Variants in ENTPD3 observed in about 807,000 individuals in gnomAD.
ENTPD3 encodes the protein CD39 antigen-like 3.
A neutral mutation model predicts 51.2 loss-of-function variants in ENTPD3; 60 were observed. That is an observed-to-expected ratio of 1.17 (90% confidence interval 0.95 to 1.45). The LOEUF (loss-of-function observed/expected upper bound fraction) is 1.45, where lower values mean the gene tolerates loss of function less well. ENTPD3 is among the 40% of genes most tolerant of loss of function. The pLI, the probability that ENTPD3 is intolerant of heterozygous loss-of-function variation, is 0.00. For missense variants in ENTPD3, 593 were observed against 641.1 expected (o/e 0.93, Z 0.81); for synonymous variants, 221 against 238.4 (o/e 0.93, Z 0.67).
intron 2 of ENTPD3, among the ~76,000 whole-genome samples, chr3:40,390,363 A>AT (rs886210074): frequency 3.3e-5 from 5 of 151,884 alleles, no homozygotes; most frequent in African/African-American, 9.7e-5. Flanking sequence ...TGTACAGTTG[A>AT]TTTTTTTCAT....
In ENTPD3 at chr3:40,414,550, C is replaced by T. The variant is rs1955701289; in HGVS notation, c.438-131C>T. 15 of 995,854 alleles carry T rather than the reference C, an allele frequency of 1.5e-5. No individual in the cohort carries two copies. In the Admixed American group the frequency reaches 1.9e-4, roughly 13 times the overall value. 61.7% of individuals were successfully genotyped at this position (995,854 alleles called of 1,614,324 possible). On this transcript the variant is annotated intron_variant, in intron 5 of 10. Transcript: ENST00000301825. ...GCAAAAGGGATTGTGGTGTACAGCA[C>T]ACATCTGGAAAATCATTCATCCCCA...
chr3:40,396,222 T>C (rs1175169029), intron 3 of ENTPD3, among the ~76,000 whole-genome samples: 1 of 152,194 alleles, frequency 6.6e-6, no homozygotes, highest in East Asian at 1.9e-4. Flanking sequence ...TCTGGGCCAG[T>C]TGAACCAGAA....
At chr3:40,415,708 G>A (rs1022733354) in intron 6 of ENTPD3, 132 bp from the exon 7 acceptor site, 2 of 656,600 alleles carry the variant, frequency 3.0e-6, no homozygotes, top group East Asian at 5.5e-5. Context: ...AAAAGAAAAG[G>A]AAAGAATTGG....
intron 4 of ENTPD3, among the ~76,000 whole-genome samples, chr3:40,411,169 T>C (rs1293015899): frequency 2.0e-5 from 3 of 151,402 alleles, no homozygotes; most frequent in Admixed American, 1.3e-4. Context: ...TGCACGCCTG[T>C]AATTCCAGCT....
intron 6 of ENTPD3, among the ~76,000 whole-genome samples, chr3:40,415,475 A>T (rs535694165): frequency 1.3e-5 from 2 of 152,134 alleles, no homozygotes; most frequent in Non-Finnish European, 2.9e-5. Context: ...AAAAATCCAT[A>T]CTTCTAGCTT....
At chr3:40,398,122 G>A (rs370682371) in intron 3 of ENTPD3, among the ~76,000 whole-genome samples, 3 of 152,132 alleles carry the variant, frequency 2.0e-5, no homozygotes, top group Admixed American at 6.5e-5. Context: ...AGCAGGTGCC[G>A]GAGGGACAGC....
At chr3:40,399,047 C>T (rs1446517045) in intron 3 of ENTPD3, among the ~76,000 whole-genome samples, 1 of 152,040 alleles carries the variant, frequency 6.6e-6, no homozygotes, top group Non-Finnish European at 1.5e-5. Context: ...CATGGCGAAA[C>T]CCTGTCTTTA....
In ENTPD3 at chr3:40,395,310, G is replaced by T. The variant is rs149439456; in HGVS notation, c.168+3160G>T. On this transcript the variant is annotated intron_variant, in intron 3 of 10. Coordinates refer to ENST00000301825, the MANE Select transcript of ENTPD3 (RefSeq NM_001248.4). The stretch of plus-strand genomic sequence containing the variant: ...AAAATGGAGAGACATGGAGGAATCA[G>T]ATGGAAGACTAGTAAAATGAGTAGA... Among the ~76,000 whole-genome samples the T allele has an allele frequency of 3.0e-3, 464 of 152,344 alleles. 1 individual carries two copies. The highest frequency in any genetic ancestry group is 0.01 in the Middle Eastern group (3 of 294).
chr3:40,426,808 T>A (rs1559520698), intron 10 of ENTPD3, among the ~76,000 whole-genome samples: 1 of 152,122 alleles, frequency 6.6e-6, no homozygotes. Flanking sequence ...GGTGAAACAT[T>A]TATACACCTA....
rs528165365 is a variant in ENTPD3, at chr3:40,425,416, CA to C, written c.1353+1459del. Among the ~76,000 whole-genome samples, 578 of 151,054 alleles carry C rather than the reference CA, an allele frequency of 3.8e-3. 2 individuals are homozygous for C. The highest frequency in any genetic ancestry group is 0.013 in the African/African-American group (536 of 41,118). The stretch of plus-strand genomic sequence containing the variant: ...GGGCAACAACAGCAAAACTCCATCT[CA>C]AAAAATAAAAATAAAAATAAATAAA... On this transcript the variant is annotated intron_variant, in intron 10 of 10. Coordinates refer to ENST00000301825, the MANE Select transcript of ENTPD3 (RefSeq NM_001248.4).
chr3:40,392,126 A>G lies in ENTPD3; in HGVS notation c.144A>G (p.Gln48=). The change falls in exon 3 of 11, where the codon CAA becomes CAG. Residue 48 remains glutamine (Q), a synonymous_variant. Coordinates refer to ENST00000301825, the MANE Select transcript of ENTPD3 (RefSeq NM_001248.4). Reference sequence around the variant, plus strand: ...TCACTGTCATCCAGATCCACAAGCAAGAGGTCCTCCCTCCAGGACTGAAGG... The same window carrying G: ...TCACTGTCATCCAGATCCACAAGCAGGAGGTCCTCCCTCCAGGACTGAAGG... ...VSITVIQIHK[Q]EVLPPGLKYG... is the part of the protein sequence containing the mutation. The G allele has an allele frequency of 3.1e-6, 5 of 1,614,204 alleles. No individual in the cohort carries two copies. The highest frequency in any genetic ancestry group is 3.4e-6 in the Non-Finnish European group (4 of 1,180,024).
rs1204981655 is a variant in ENTPD3, at chr3:40,427,790, C to T, written c.*282C>T. ...AGGTCAGGCTCTTTATATTAAGTTCCCCAGAGGAAGAGTAAGTTGAGAAGG... is the reference window on the plus strand; with the variant it reads ...AGGTCAGGCTCTTTATATTAAGTTCTCCAGAGGAAGAGTAAGTTGAGAAGG... On this transcript the variant is annotated 3_prime_UTR_variant, in exon 11 of 11. Coordinates refer to ENST00000301825, the MANE Select transcript of ENTPD3 (RefSeq NM_001248.4). 2 of 435,072 alleles carry T rather than the reference C, an allele frequency of 4.6e-6. No individual in the cohort carries two copies. Among genetic ancestry groups the T allele is most frequent in the Non-Finnish European group, 8.4e-6 (2 of 238,844 alleles). 27.0% of individuals were successfully genotyped at this position (435,072 alleles called of 1,614,324 possible). A position where few individuals can be genotyped will look rare whatever the true frequency, so the allele number is the denominator to read the frequency against.
chr3:40,418,298 C>T (rs1955792015), intron 7 of ENTPD3, among the ~76,000 whole-genome samples: 1 of 152,174 alleles, frequency 6.6e-6, no homozygotes, highest in Non-Finnish European at 1.5e-5. Context: ...AAATTCATGT[C>T]AAGACTCACC....
At chr3:40,400,303 C>A (rs1216287134) in intron 3 of ENTPD3, among the ~76,000 whole-genome samples, 2 of 151,702 alleles carry the variant, frequency 1.3e-5, no homozygotes, top group African/African-American at 4.8e-5. Context: ...ATGCCTCTAC[C>A]CTGTGAAAAA....
intron 7 of ENTPD3, among the ~76,000 whole-genome samples, chr3:40,420,974 G>T (rs543278876): frequency 4.6e-5 from 7 of 151,564 alleles, no homozygotes; most frequent in Non-Finnish European, 8.8e-5. Flanking sequence ...GGGTAACACA[G>T]GGAGACCCCA....
At chr3:40,397,645 A>G (rs1955239204) in intron 3 of ENTPD3, among the ~76,000 whole-genome samples, 1 of 152,186 alleles carries the variant, frequency 6.6e-6, no homozygotes, top group African/African-American at 2.4e-5. Context: ...TAATAAACAA[A>G]TCTAAGAAAG....
chr3:40,414,412 A>T (rs1362680777), intron 5 of ENTPD3, among the ~76,000 whole-genome samples: 2 of 152,202 alleles, frequency 1.3e-5, no homozygotes, highest in African/African-American at 2.4e-5. Flanking sequence ...TGAACAGATG[A>T]GATGGGTGGG....
rs146258169 is a variant in ENTPD3 at position 40,388,114 on chromosome 3, A to G, written c.40+17A>G. ...AGCAAGCAGGTTAGTATCTCTCAGCAGGTAGCAAGCGTGGTTTTGCCAAAT... is the reference window on the plus strand; with the variant it reads ...AGCAAGCAGGTTAGTATCTCTCAGCGGGTAGCAAGCGTGGTTTTGCCAAAT... On this transcript the variant is annotated intron_variant, in intron 2 of 10. Transcript: ENST00000301825. The G allele has an allele frequency of 2.3e-4, 374 of 1,614,000 alleles. 2 individuals carry two copies. In the Middle Eastern group the frequency reaches 3.1e-3, roughly 14 times the overall value.
intron 3 of ENTPD3, among the ~76,000 whole-genome samples, chr3:40,400,114 A>G (rs1955310700): frequency 6.6e-6 from 1 of 151,838 alleles, no homozygotes; most frequent in African/African-American, 2.4e-5. Context: ...AAAACACAAA[A>G]ATTAGCCAGG....
Sources: gnomAD v4.1 joint callset for allele counts (sites outside exome capture counted in the v4.1 genomes callset) on GRCh38, gnomAD v4.1.1 for gene constraint, MANE v1.5 for transcripts, NCBI Gene and HGNC (gene_info 2026-07-23, HGNC 2026-07-21) for gene names.